CFAP299: variants seen among roughly 807,000 people sequenced by gnomAD.
CFAP299 encodes the protein cilia and flagella associated protein 299.
In CFAP299, 21 loss-of-function variants were observed where a neutral mutation model predicts 27.0. That is an observed-to-expected ratio of 0.78 (90% CI 0.55 to 1.12). CFAP299 has a LOEUF of 1.12. Ranked by LOEUF, CFAP299 falls within the 50% of genes most tolerant of loss-of-function variation. The pLI is 0.00. For missense variants in CFAP299, 310 were observed against 276.6 expected (o/e 1.12, Z -0.86); for synonymous variants, 104 against 98.1 (o/e 1.06, Z -0.36).
At chr4:80,671,947 A>G (rs535155153) in intron 3 of CFAP299, among the ~76,000 whole-genome samples, 27 of 152,362 alleles carry the variant, frequency 1.8e-4, no homozygotes, top group Middle Eastern at 3.4e-3. Flanking sequence ...TGTCATCTGC[A>G]CACAGGGACA....
intron 3 of CFAP299, among the ~76,000 whole-genome samples, chr4:80,713,551 C>A (rs1722298256): frequency 1.3e-5 from 2 of 152,344 alleles, no homozygotes. Flanking sequence ...CAGTAGCCAT[C>A]AGAATTTATG....
chr4:80,403,739 T>G (rs1476952228), intron 2 of CFAP299, among the ~76,000 whole-genome samples: 2 of 152,170 alleles, frequency 1.3e-5, no homozygotes, highest in Non-Finnish European at 2.9e-5. Context: ...GTTGATTGAT[T>G]AATATATGCA....
At chr4:80,530,805 A>G (rs1733425928) in intron 2 of CFAP299, among the ~76,000 whole-genome samples, 1 of 152,236 alleles carries the variant, frequency 6.6e-6, no homozygotes. Context: ...GGCAGAGAAC[A>G]CACTCCAGGC....
chr4:80,929,177 T>C (rs1736452572), intron 4 of CFAP299, among the ~76,000 whole-genome samples: 2 of 152,090 alleles, frequency 1.3e-5, no homozygotes, highest in Admixed American at 6.6e-5. Flanking sequence ...CCAGTCTCTA[T>C]GGCAACACTA....
intron 3 of CFAP299, among the ~76,000 whole-genome samples, chr4:80,673,233 T>TGAG (rs1741608144): frequency 6.6e-6 from 1 of 152,108 alleles, no homozygotes; most frequent in East Asian, 1.9e-4. Context: ...TGGTTTCAAA[T>TGAG]AACGTCTTTA....
chr4:80,799,829 TTTA>T (rs1728255633), intron 3 of CFAP299, among the ~76,000 whole-genome samples: 1 of 22,156 alleles, frequency 4.5e-5, no homozygotes, highest in Non-Finnish European at 5.9e-5. Context: ...ATTATATATA[TTTA>T]TATATTATAT....
At position 80,858,244 on chromosome 4, in the gene CFAP299, G is replaced by T. The variant is rs536627899; in HGVS notation, c.334-11749G>T. Among the ~76,000 whole-genome samples, 10 of 151,938 alleles carry T rather than the reference G, an allele frequency of 6.6e-5. No homozygotes were observed. In the East Asian group the frequency reaches 1.9e-3, roughly 29 times the overall value. ...TGGTAGTTTGTATTTCTGTGGGATC[G>T]GTGGTGATATCCCCTTTATCATTTT... On this transcript the variant is annotated intron_variant, in intron 3 of 5. Transcript: ENST00000358105.
intron 4 of CFAP299, among the ~76,000 whole-genome samples, chr4:80,931,429 A>G (rs1375982468): frequency 6.6e-6 from 1 of 152,088 alleles, no homozygotes; most frequent in Admixed American, 6.6e-5. Flanking sequence ...CCCCATTCAA[A>G]CAAGACAATT....
chr4:80,480,369 G>A (rs974437859), intron 2 of CFAP299, among the ~76,000 whole-genome samples: 1 of 151,750 alleles, frequency 6.6e-6, no homozygotes, highest in Admixed American at 6.6e-5. Context: ...ACGCAAAGAG[G>A]GGGCTTTTAT....
chr4:80,928,069 A>C (rs1736391323), intron 4 of CFAP299, among the ~76,000 whole-genome samples: 1 of 152,068 alleles, frequency 6.6e-6, no homozygotes, highest in Non-Finnish European at 1.5e-5. Context: ...TAACTTGATG[A>C]TCTCTCTCCA....
At chr4:80,640,753 A>T (rs964603371) in intron 3 of CFAP299, among the ~76,000 whole-genome samples, 1 of 152,072 alleles carries the variant, frequency 6.6e-6, no homozygotes, top group African/African-American at 2.4e-5. Context: ...TTTCCCTCCC[A>T]TGTGCACATT....
chr4:80,605,020 G>A (rs1303879384), intron 3 of CFAP299, among the ~76,000 whole-genome samples: 1 of 152,112 alleles, frequency 6.6e-6, no homozygotes, highest in East Asian at 1.9e-4. Flanking sequence ...ACATTGGCAA[G>A]ATGATATGTT....
chr4:80,717,120 T>C (rs946775205), intron 3 of CFAP299, among the ~76,000 whole-genome samples: 2 of 152,116 alleles, frequency 1.3e-5, no homozygotes, highest in African/African-American at 2.4e-5. Context: ...GTTTTTCCTT[T>C]TTTATGAAGT....
intron 1 of CFAP299, among the ~76,000 whole-genome samples, chr4:80,342,863 T>G (rs1722523119): frequency 6.6e-6 from 1 of 152,158 alleles, no homozygotes; most frequent in South Asian, 2.1e-4. Flanking sequence ...ATGCTCCAAT[T>G]AAAAGACACA....
intron 4 of CFAP299, among the ~76,000 whole-genome samples, chr4:80,922,573 TCAGA>T (rs1455899172): frequency 6.6e-6 from 1 of 152,050 alleles, no homozygotes; most frequent in African/African-American, 2.4e-5. Flanking sequence ...CATATCATGT[TCAGA>T]CAGATACTTA....
intron 3 of CFAP299, among the ~76,000 whole-genome samples, chr4:80,771,174 T>C (rs1353269268): frequency 6.6e-6 from 1 of 152,122 alleles, no homozygotes; most frequent in Non-Finnish European, 1.5e-5. Flanking sequence ...AGATCTCCTT[T>C]ACTCCAAAGC....
chr4:80,528,874 T>C (rs1429849145), intron 2 of CFAP299, among the ~76,000 whole-genome samples: 3 of 152,160 alleles, frequency 2.0e-5, no homozygotes, highest in African/African-American at 7.2e-5. Flanking sequence ...ATTTTATCTC[T>C]TACCAATTTA....
intron 2 of CFAP299, among the ~76,000 whole-genome samples, chr4:80,443,100 C>T (rs903072290): frequency 3.9e-5 from 6 of 152,162 alleles, no homozygotes; most frequent in Non-Finnish European, 7.3e-5. Flanking sequence ...CGAATTCTCC[C>T]AGGGGTACAA....
chr4:80,417,262 C>G (rs1727063945), intron 2 of CFAP299, among the ~76,000 whole-genome samples: 1 of 152,162 alleles, frequency 6.6e-6, no homozygotes, highest in African/African-American at 2.4e-5. Context: ...ACTCTTATCA[C>G]CATCTTGGTT....
Sources: allele counts gnomAD v4.1 joint callset (sites outside exome capture counted in the v4.1 genomes callset), GRCh38; gene constraint gnomAD v4.1.1; transcripts MANE v1.5; gene names NCBI Gene and HGNC (gene_info 2026-07-23, HGNC 2026-07-21).